The following GABRR3 variants were observed in gnomAD, a reference collection of about 807,000 sequenced individuals.
GABRR3 encodes gamma-aminobutyric acid type A receptor subunit rho3, also known as gamma-aminobutyric acid receptor subunit rho-3.
GABRR3 carries 29 observed loss-of-function variants against 43.2 expected under a neutral mutation model. The ratio of observed to expected loss-of-function variants is 0.67; its 90% CI spans 0.50 to 0.92. The LOEUF is 0.92. GABRR3 is among the 40% of genes least tolerant of loss of function. GABRR3 has a pLI of 0.00. For missense variants in GABRR3, 576 were observed against 572.3 expected (o/e 1.01, Z -0.07); for synonymous variants, 206 against 195.9 (o/e 1.05, Z -0.43).
At chr3:98,033,278 A>G (rs1267150810) in intron 2 of GABRR3, among the ~76,000 whole-genome samples, 5 of 152,232 alleles carry the variant, frequency 3.3e-5, no homozygotes, top group African/African-American at 1.2e-4. Flanking sequence ...TTAGGAATAT[A>G]GAAGTGACAA....
At chr3:98,008,747 C>A (rs559018834) in intron 6 of GABRR3, among the ~76,000 whole-genome samples, 9 of 148,364 alleles carry the variant, frequency 6.1e-5, no homozygotes, top group African/African-American at 1.3e-4. Context: ...TTCCCCTGAA[C>A]CTTCTCCTTT....
At chr3:98,026,612 T>TCATCGTTAG (rs1553720254) in intron 2 of GABRR3, among the ~76,000 whole-genome samples, 1 of 150,506 alleles carries the variant, frequency 6.6e-6, no homozygotes, top group East Asian at 2.0e-4. Flanking sequence ...GTCATCATCA[T>TCATCGTTAG]CATCATCATC....
intron 3 of GABRR3, among the ~76,000 whole-genome samples, chr3:98,022,800 T>A (rs1706964301): frequency 6.6e-6 from 1 of 152,204 alleles, no homozygotes; most frequent in Non-Finnish European, 1.5e-5. Flanking sequence ...AAGTAGCACA[T>A]TTCAATTGCA....
At chr3:98,020,848 ATTTCTT>A (rs1235289698) in intron 3 of GABRR3, among the ~76,000 whole-genome samples, 118 of 144,338 alleles carry the variant, frequency 8.2e-4, no homozygotes, top group African/African-American at 3.0e-3. Flanking sequence ...GTCTGGCCTC[ATTTCTT>A]TTTCTTTTTC....
At chr3:98,031,567 A>C (rs1707086909) in intron 2 of GABRR3, among the ~76,000 whole-genome samples, 1 of 152,032 alleles carries the variant, frequency 6.6e-6, no homozygotes, top group Non-Finnish European at 1.5e-5. Context: ...CAACATAGAC[A>C]GACCCAATCT....
At chr3:98,015,946 A>G (rs888230641) in intron 4 of GABRR3, among the ~76,000 whole-genome samples, 1 of 152,304 alleles carries the variant, frequency 6.6e-6, no homozygotes, top group African/African-American at 2.4e-5. Context: ...ATTGACTCAC[A>G]GTTCTGCATG....
chr3:98,005,460 A>G (rs1446193362), intron 7 of GABRR3, among the ~76,000 whole-genome samples: 2 of 152,146 alleles, frequency 1.3e-5, no homozygotes, highest in Non-Finnish European at 2.9e-5. Context: ...AACCAAAATG[A>G]TATTTCTTAA....
chr3:98,016,398 A>G (rs1706873760), intron 4 of GABRR3, among the ~76,000 whole-genome samples: 1 of 151,420 alleles, frequency 6.6e-6, no homozygotes, highest in Non-Finnish European at 1.5e-5. Context: ...TTCTCTTGCC[A>G]TGTGATGCCT....
At chr3:97,998,203 T>A (rs577741870) in intron 8 of GABRR3, 2 of 152,438 alleles carry the variant, frequency 1.3e-5, no homozygotes, top group African/African-American at 4.8e-5. Context: ...TAACATGATG[T>A]AATTATCCTG....
intron 9 of GABRR3, among the ~76,000 whole-genome samples, chr3:97,989,972 C>CAT (rs751161468): frequency 1.5e-4 from 23 of 152,114 alleles, no homozygotes; most frequent in Middle Eastern, 3.4e-3. Flanking sequence ...CTTCCAACTC[C>CAT]ATATATATAT....
At chr3:98,008,133 T>C (rs1437189400) in intron 6 of GABRR3, among the ~76,000 whole-genome samples, 1 of 152,210 alleles carries the variant, frequency 6.6e-6, no homozygotes, top group Non-Finnish European at 1.5e-5. Flanking sequence ...GTATGGATCT[T>C]GTGCCCACAC....
At chr3:98,001,359 C>A in intron 8 of GABRR3, 1 of 446,658 alleles carries the variant, frequency 2.2e-6, no homozygotes, top group Non-Finnish European at 4.1e-6. Flanking sequence ...CATAATTTCA[C>A]CCCCTTTCTT....
At chr3:98,003,843 A>G (rs1201515095) in intron 7 of GABRR3, among the ~76,000 whole-genome samples, 1 of 152,058 alleles carries the variant, frequency 6.6e-6, no homozygotes, top group African/African-American at 2.4e-5. Flanking sequence ...GCCATTTTTC[A>G]TTTCAGACCT....
intron 4 of GABRR3, among the ~76,000 whole-genome samples, chr3:98,017,332 C>T (rs887282514): frequency 1.3e-5 from 2 of 152,184 alleles, no homozygotes; most frequent in South Asian, 2.1e-4. Context: ...TCATATCGCA[C>T]ATATAGTATG....
At chr3:98,035,084 A>G in intron 1 of GABRR3, 95 bp from the exon 2 acceptor site, 1 of 1,425,696 alleles carries the variant, frequency 7.0e-7, no homozygotes, top group Non-Finnish European at 9.5e-7. Context: ...AACAAACAGC[A>G]TGTCAGGGGA....
chr3:98,007,654 T>C (rs1706737454), intron 7 of GABRR3, 110 bp downstream of exon 7: 3 of 1,166,520 alleles, frequency 2.6e-6, no homozygotes, highest in Non-Finnish European at 3.7e-6. Context: ...ATGATGGTGC[T>C]GGCCAAAGGG....
intron 3 of GABRR3, among the ~76,000 whole-genome samples, chr3:98,024,079 C>T (rs910753178): frequency 6.6e-6 from 1 of 152,142 alleles, no homozygotes; most frequent in Admixed American, 6.5e-5. Context: ...TAGAATTGGC[C>T]GGGTGTGGTG....
At chr3:97,990,750 G>A (rs1382148745) in intron 9 of GABRR3, among the ~76,000 whole-genome samples, 2 of 152,106 alleles carry the variant, frequency 1.3e-5, no homozygotes, top group East Asian at 3.9e-4. Flanking sequence ...TGAGATAATT[G>A]AGGATGCTTA....
chr3:98,002,884 C>T (rs553536304), intron 7 of GABRR3, among the ~76,000 whole-genome samples: 1 of 152,158 alleles, frequency 6.6e-6, no homozygotes, highest in African/African-American at 2.4e-5. Flanking sequence ...GACGGCAAAC[C>T]TATTAGATGG....
Sources: gnomAD v4.1 joint callset for allele counts (sites outside exome capture counted in the v4.1 genomes callset) on GRCh38, gnomAD v4.1.1 for gene constraint, MANE v1.5 for transcripts, NCBI Gene and HGNC (gene_info 2026-07-23, HGNC 2026-07-21) for gene names.